Variants in CDHR3 observed in about 807,000 individuals in gnomAD.
CDHR3 encodes the protein cadherin-related family member 3.
In CDHR3, 79 loss-of-function variants were observed where a neutral mutation model predicts 86.6. The ratio of observed to expected loss-of-function variants is 0.91; its 90% confidence interval spans 0.76 to 1.10. The LOEUF (loss-of-function observed/expected upper bound fraction) is 1.10, where lower values mean the gene tolerates loss of function less well. Among genes scored for constraint, CDHR3 ranks in the 50% least tolerant of loss-of-function variants. The pLI, the probability that CDHR3 is intolerant of heterozygous loss-of-function variation, is 0.00. For missense variants in CDHR3, 1,081 were observed against 1,077.6 expected (o/e 1.00, Z -0.04); for synonymous variants, 421 against 402.4 (o/e 1.05, Z -0.55).
chr7:105,985,394 T>G (rs929179963), intron 4 of CDHR3, among the ~76,000 whole-genome samples: 1 of 152,152 alleles, frequency 6.6e-6, no homozygotes, highest in African/African-American at 2.4e-5. Context: ...CAGGAAACAC[T>G]CCTGCAGACC....
intron 4 of CDHR3, among the ~76,000 whole-genome samples, chr7:105,990,127 G>GCC (rs1831138558): frequency 6.6e-6 from 1 of 152,176 alleles, no homozygotes; most frequent in South Asian, 2.1e-4. Flanking sequence ...GATTAGCAAA[G>GCC]CCTGAATCTT....
At chr7:106,009,058 A>G (rs975702655) in intron 8 of CDHR3, among the ~76,000 whole-genome samples, 4 of 152,172 alleles carry the variant, frequency 2.6e-5, no homozygotes, top group Non-Finnish European at 4.4e-5. Context: ...AATATCCTAG[A>G]CTGTCCAGGC....
chr7:105,995,121 A>G (rs1353074643), intron 5 of CDHR3, among the ~76,000 whole-genome samples: 1 of 152,202 alleles, frequency 6.6e-6, no homozygotes, highest in Non-Finnish European at 1.5e-5. Flanking sequence ...GGTCAGACAT[A>G]ACCAGGTCCA....
chr7:106,003,566 C>T (rs998787108), intron 7 of CDHR3, among the ~76,000 whole-genome samples: 1 of 152,156 alleles, frequency 6.6e-6, no homozygotes, highest in Admixed American at 6.5e-5. Flanking sequence ...TGTTCAAGGT[C>T]TTACAGCTTG....
At chr7:106,005,246 A>T (rs947001855) in intron 8 of CDHR3, among the ~76,000 whole-genome samples, 5 of 152,252 alleles carry the variant, frequency 3.3e-5, no homozygotes, top group Non-Finnish European at 5.9e-5. Flanking sequence ...AAATGCAGAT[A>T]CAAGTGGGAT....
intron 7 of CDHR3, 139 bp from the exon 8 acceptor site, chr7:106,004,359 C>CA: frequency 2.9e-6 from 2 of 699,242 alleles, no homozygotes; most frequent in Non-Finnish European, 4.8e-6. Flanking sequence ...AATGGGTTTT[C>CA]AAAAATGTAT....
At chr7:105,994,212 A>T (rs1225219663) in intron 4 of CDHR3, among the ~76,000 whole-genome samples, 1 of 149,016 alleles carries the variant, frequency 6.7e-6, no homozygotes, top group Non-Finnish European at 1.5e-5. Flanking sequence ...TAGTCCTATT[A>T]CCTAGTGGGT....
At chr7:105,963,941 A>C (rs2528889) in intron 1 of CDHR3, among the ~76,000 whole-genome samples, 55,774 of 152,048 alleles carry the variant, frequency 0.37, 10,916 homozygotes, top group East Asian at 0.73. Context: ...TGAAATTGAG[A>C]TTTTAAAATT....
intron 8 of CDHR3, among the ~76,000 whole-genome samples, chr7:106,011,527 AGTGAC>A (rs1195013098): frequency 6.6e-6 from 1 of 152,224 alleles, no homozygotes; most frequent in Non-Finnish European, 1.5e-5. Flanking sequence ...CCAAGCTGTC[AGTGAC>A]CACAGAGACC....
At chr7:105,995,427 A>G (rs763827869) in intron 5 of CDHR3, among the ~76,000 whole-genome samples, 71 of 152,364 alleles carry the variant, frequency 4.7e-4, no homozygotes, top group Admixed American at 6.5e-4. Flanking sequence ...TGATGTGGAC[A>G]CGGAGAGTGT....
chr7:105,997,291 A>G (rs531157810), intron 6 of CDHR3, among the ~76,000 whole-genome samples: 40 of 152,330 alleles, frequency 2.6e-4, no homozygotes, highest in African/African-American at 9.6e-4. Flanking sequence ...ACAATTGCAC[A>G]ACTTCTGGAT....
At chr7:105,978,845 C>T (rs1054116336) in intron 2 of CDHR3, among the ~76,000 whole-genome samples, 2 of 151,960 alleles carry the variant, frequency 1.3e-5, no homozygotes, top group Non-Finnish European at 2.9e-5. Context: ...AGCTACTCCC[C>T]AAGGAGAAGA....
chr7:105,982,533 CCCTCCTACCCCT>C (rs928996055), intron 3 of CDHR3, among the ~76,000 whole-genome samples: 3 of 151,454 alleles, frequency 2.0e-5, no homozygotes, highest in Admixed American at 6.6e-5. Context: ...ACATTCCTTA[CCCTCCTACCCCT>C]CCTCCTTTCC....
chr7:106,021,713 G>A (rs1176677108), intron 13 of CDHR3, among the ~76,000 whole-genome samples: 1 of 152,226 alleles, frequency 6.6e-6, no homozygotes, highest in Non-Finnish European at 1.5e-5. Flanking sequence ...TCCAGGGACA[G>A]CCATAACCAG....
At chr7:105,981,454 G>A (rs1829719252) in intron 3 of CDHR3, among the ~76,000 whole-genome samples, 1 of 152,140 alleles carries the variant, frequency 6.6e-6, no homozygotes, top group African/African-American at 2.4e-5. Context: ...TCATCCCTGT[G>A]TACCCTGGTC....
intron 18 of CDHR3, among the ~76,000 whole-genome samples, chr7:106,031,242 A>C (rs537366303): frequency 9.2e-4 from 136 of 147,720 alleles, no homozygotes; most frequent in African/African-American, 3.2e-3. Context: ...TGCTTCTAAT[A>C]GCACTTATTA....
intron 1 of CDHR3, among the ~76,000 whole-genome samples, chr7:105,964,651 A>T (rs1162046845): frequency 1.3e-5 from 2 of 152,090 alleles, no homozygotes; most frequent in African/African-American, 2.4e-5. Flanking sequence ...ATAAAAATAT[A>T]ATAAAACTAA....
At chr7:106,005,970 C>T (rs1376901877) in intron 8 of CDHR3, among the ~76,000 whole-genome samples, 1 of 152,166 alleles carries the variant, frequency 6.6e-6, no homozygotes, top group Non-Finnish European at 1.5e-5. Context: ...ATACCTGTGA[C>T]TGGGCGATTT....
In CDHR3 at chr7:106,029,548, G is replaced by GTCTCTCTCTCTC. The variant is rs59823993; in HGVS notation, c.2304+986_2304+997dup. ...GGAAAGTTCCCTCTCCTCCACCTCT[G>GTCTCTCTCTCTC]TCTCTCTCTCTCTCTCTCTCTCTCT... On this transcript the variant is annotated intron_variant, in intron 17 of 18. Coordinates refer to ENST00000317716, the MANE Select transcript of CDHR3 (RefSeq NM_152750.5). Among the ~76,000 whole-genome samples, 84 of 147,172 alleles carry GTCTCTCTCTCTC rather than the reference G, an allele frequency of 5.7e-4. 1 individual carries two copies. Among genetic ancestry groups the GTCTCTCTCTCTC allele is most frequent in the African/African-American group, 1.9e-3 (74 of 39,992 alleles).
Sources: allele counts gnomAD v4.1 joint callset (sites outside exome capture counted in the v4.1 genomes callset), GRCh38; gene constraint gnomAD v4.1.1; transcripts MANE v1.5; gene names NCBI Gene and HGNC (gene_info 2026-07-23, HGNC 2026-07-21).